Variants in PBRM1 observed in about 807,000 individuals in gnomAD.
The protein encoded by PBRM1 is polybromo 1.
A neutral mutation model predicts 194.5 loss-of-function variants in PBRM1; 27 were observed. That is an observed-to-expected ratio of 0.14 (90% CI 0.10 to 0.19). The LOEUF is 0.19. Among genes scored for constraint, PBRM1 ranks in the 10% least tolerant of loss-of-function variants. PBRM1 has a pLI of 1.00. For synonymous variants in PBRM1, 655 were observed against 693.2 expected, an observed-to-expected ratio of 0.94 and a Z score of 0.87; for missense variants, 1,466 against 2,077.2, an observed-to-expected ratio of 0.71 and a Z score of 5.72.
intron 2 of PBRM1, among the ~76,000 whole-genome samples, chr3:52,675,487 C>T (rs538241436): frequency 1.3e-5 from 2 of 152,320 alleles, no homozygotes; most frequent in Admixed American, 1.3e-4. Context: ...CTGAATTCAG[C>T]AGGATATTAA....
At chr3:52,565,981 C>T (rs891271711) in intron 22 of PBRM1, among the ~76,000 whole-genome samples, 15 of 152,004 alleles carry the variant, frequency 9.9e-5, no homozygotes, top group Admixed American at 6.6e-4. Flanking sequence ...ACCCAGGAGG[C>T]GGAGCTTGCA....
exon 10 of PBRM1, chr3:52,642,020 G>A (rs764156634): frequency 7.6e-6 from 12 of 1,582,906 alleles, no homozygotes; most frequent in African/African-American, 1.4e-5. Context: ...GCTGATAAAC[G>A]ACCTCCTTGT....
intron 10 of PBRM1, among the ~76,000 whole-genome samples, chr3:52,636,757 CAAAAAAA>C (rs567776784): frequency 0.016 from 296 of 18,628 alleles, 1 homozygote; most frequent in Non-Finnish European, 0.025. Flanking sequence ...ACTCTGTCTC[CAAAAAAA>C]AAAAAAAAAA....
chr3:52,659,149 T>C (rs1449771603), intron 4 of PBRM1, among the ~76,000 whole-genome samples: 1 of 152,190 alleles, frequency 6.6e-6, no homozygotes, highest in Non-Finnish European at 1.5e-5. Context: ...ATTTCTGTTC[T>C]TTAGACCCAC....
intron 20 of PBRM1, among the ~76,000 whole-genome samples, chr3:52,579,835 C>T (rs897663838): frequency 1.9e-4 from 29 of 152,260 alleles, no homozygotes; most frequent in Admixed American, 3.3e-4. Flanking sequence ...GAGGATTTAT[C>T]GGTATTTAAA....
At chr3:52,599,144 C>G (rs551248045) in intron 17 of PBRM1, among the ~76,000 whole-genome samples, 1 of 151,994 alleles carries the variant, frequency 6.6e-6, no homozygotes, top group Non-Finnish European at 1.5e-5. Context: ...GAGCCATGAT[C>G]GTGCCACTGC....
intron 22 of PBRM1, among the ~76,000 whole-genome samples, chr3:52,567,293 C>T (rs1019586045): frequency 6.6e-6 from 1 of 151,968 alleles, no homozygotes; most frequent in African/African-American, 2.4e-5. Flanking sequence ...TGCTCTTCTG[C>T]TGACGCTAAA....
chr3:52,597,344 G>A (rs2093648485), intron 17 of PBRM1, among the ~76,000 whole-genome samples: 1 of 152,106 alleles, frequency 6.6e-6, no homozygotes, highest in African/African-American at 2.4e-5. Context: ...GACAATTGGT[G>A]GAGGCTTCTA....
intron 10 of PBRM1, among the ~76,000 whole-genome samples, chr3:52,638,986 TGG>T (rs71084199): frequency 3.3e-4 from 19 of 57,886 alleles, no homozygotes; most frequent in African/African-American, 8.6e-4. Context: ...CATTTTTTTT[TGG>T]GGGGGGGGGG....
At chr3:52,666,699 T>C (rs1348694468) in intron 3 of PBRM1, among the ~76,000 whole-genome samples, 1 of 152,066 alleles carries the variant, frequency 6.6e-6, no homozygotes, top group Non-Finnish European at 1.5e-5. Flanking sequence ...AAGACTAGCC[T>C]GGGCAACACG....
At chr3:52,669,014 A>G (rs909995593) in intron 2 of PBRM1, among the ~76,000 whole-genome samples, 4 of 152,192 alleles carry the variant, frequency 2.6e-5, no homozygotes, top group African/African-American at 9.6e-5. Context: ...AAAGTGTGAA[A>G]ACAGAGATAT....
At chr3:52,645,706 A>C (rs1005280835) in intron 7 of PBRM1, among the ~76,000 whole-genome samples, 1 of 152,174 alleles carries the variant, frequency 6.6e-6, no homozygotes, top group Non-Finnish European at 1.5e-5. Flanking sequence ...ACAGTGACTA[A>C]CGGCAGGTGG....
downstream of PBRM1, chr3:52,547,878 TTAATA>T (rs1013062899): frequency 2.0e-5 from 10 of 504,724 alleles, no homozygotes; most frequent in African/African-American, 1.6e-4. Flanking sequence ...TAAAGTCAAC[TTAATA>T]TAACAAACAA....
At chr3:52,580,879 G>A (rs1005884295) in intron 20 of PBRM1, among the ~76,000 whole-genome samples, 3 of 151,048 alleles carry the variant, frequency 2.0e-5, no homozygotes, top group African/African-American at 4.8e-5. Flanking sequence ...CCACTTAACA[G>A]ACATCATTAT....
chr3:52,583,139 G>A (rs1168844620), intron 20 of PBRM1, among the ~76,000 whole-genome samples: 16 of 148,278 alleles, frequency 1.1e-4, no homozygotes, highest in Non-Finnish European at 2.4e-4. Flanking sequence ...GGCGGGGGCG[G>A]TGGCTCACAC....
chr3:52,583,082 G>C (rs1207866281), intron 20 of PBRM1, among the ~76,000 whole-genome samples: 1 of 121,914 alleles, frequency 8.2e-6, no homozygotes, highest in Non-Finnish European at 1.7e-5. Flanking sequence ...TGGGGACAGA[G>C]TGAGACTCCA....
downstream of PBRM1, chr3:52,547,251 A>T (rs781418872): frequency 1.3e-5 from 3 of 233,038 alleles, no homozygotes; most frequent in Non-Finnish European, 2.5e-5. Flanking sequence ...GTACCTGCCT[A>T]GATTAAACAT....
At chr3:52,617,782 T>C (rs533022178) in intron 13 of PBRM1, among the ~76,000 whole-genome samples, 7 of 152,322 alleles carry the variant, frequency 4.6e-5, no homozygotes, top group Non-Finnish European at 8.8e-5. Context: ...AAAAACTTTT[T>C]AGATATGTCA....
chr3:52,655,411 CTTTTT>C, intron 5 of PBRM1, among the ~76,000 whole-genome samples: 1 of 152,208 alleles, frequency 6.6e-6, no homozygotes, highest in Non-Finnish European at 1.5e-5. Flanking sequence ...AATTTCCTTC[CTTTTT>C]AACGCCAAAT....
Sources: allele counts gnomAD v4.1 joint callset (sites outside exome capture counted in the v4.1 genomes callset), GRCh38; gene constraint gnomAD v4.1.1; transcripts MANE v1.5; gene names NCBI Gene and HGNC (gene_info 2026-07-23, HGNC 2026-07-21).